The following ATP2B2 variants were observed in gnomAD, a reference collection of about 807,000 sequenced individuals.
The protein encoded by ATP2B2 is plasma membrane calcium-transporting ATPase 2.
A neutral mutation model predicts 120.0 loss-of-function variants in ATP2B2; 15 were observed. That is an observed-to-expected ratio of 0.12 (90% confidence interval 0.08 to 0.19). ATP2B2 has a LOEUF of 0.19. Among genes scored for constraint, ATP2B2 ranks in the 10% least tolerant of loss-of-function variants. ATP2B2 has a pLI of 1.00. For synonymous variants in ATP2B2, 694 were observed against 700.3 expected (o/e 0.99, Z 0.14); for missense variants, 1,045 against 1,719.8 (o/e 0.61, Z 6.94).
At chr3:10,413,047 T>C (rs1369073358) in intron 2 of ATP2B2, among the ~76,000 whole-genome samples, 1 of 152,008 alleles carries the variant, frequency 6.6e-6, no homozygotes, top group Non-Finnish European at 1.5e-5. Context: ...CATGGTCTAA[T>C]ATATGGTTTT....
At chr3:10,632,609 G>T (rs2069897818) in intron 1 of ATP2B2, among the ~76,000 whole-genome samples, 1 of 152,212 alleles carries the variant, frequency 6.6e-6, no homozygotes, top group African/African-American at 2.4e-5. Flanking sequence ...GGAGGAGTTG[G>T]CAGGGCTTAG....
chr3:10,547,376 CAG>C (rs1356804286), intron 2 of ATP2B2, among the ~76,000 whole-genome samples: 1 of 152,284 alleles, frequency 6.6e-6, no homozygotes, highest in African/African-American at 2.4e-5. Context: ...TAGTAAGACA[CAG>C]GGGGCTGTCT....
intron 2 of ATP2B2, among the ~76,000 whole-genome samples, chr3:10,537,042 T>C (rs13314515): frequency 0.041 from 6,257 of 152,292 alleles, 335 homozygotes; most frequent in African/African-American, 0.12. Flanking sequence ...TTGTTAAAAA[T>C]AGGTTGGGCA....
chr3:10,419,984 C>T (rs1385585094), intron 2 of ATP2B2, among the ~76,000 whole-genome samples: 5 of 152,230 alleles, frequency 3.3e-5, no homozygotes, highest in African/African-American at 7.2e-5. Context: ...AGGGTGACCT[C>T]GTGGCCCTGC....
rs1360885107 is a variant in ATP2B2, at chr3:10,343,823, C to T, written c.2704-858G>A. ...GTAATCCTGACCCCACTCTCCTGGT[C>T]GTCGTCCTCCCTTCCTTTTAAATCT... On this transcript the variant is annotated intron_variant, in intron 18 of 22. Transcript: ENST00000360273. This position sits in a 1 kb window ranked among gnomAD's most constrained non-coding sequence, Gnocchi z 4.2. Among the ~76,000 whole-genome samples, 2 of 152,256 alleles carry T rather than the reference C, an allele frequency of 1.3e-5. No individual in the cohort carries two copies. The highest frequency in any genetic ancestry group is 2.1e-4 in the South Asian group (1 of 4,820).
At chr3:10,591,769 C>T (rs1165829602) in intron 2 of ATP2B2, among the ~76,000 whole-genome samples, 1 of 152,198 alleles carries the variant, frequency 6.6e-6, no homozygotes, top group Non-Finnish European at 1.5e-5. Context: ...GGTCCGATCC[C>T]AGACGAGGGA....
chr3:10,455,762 A>T (rs1345336644), intron 1 of ATP2B2, among the ~76,000 whole-genome samples: 1 of 152,196 alleles, frequency 6.6e-6, no homozygotes, highest in South Asian at 2.1e-4. Flanking sequence ...CACACAGCCA[A>T]CTGAGACAAA....
chr3:10,431,845 G>T (rs548030384), intron 2 of ATP2B2, among the ~76,000 whole-genome samples: 1 of 152,232 alleles, frequency 6.6e-6, no homozygotes, highest in Admixed American at 6.5e-5. Flanking sequence ...TTCCAAAAAG[G>T]GGGTGGGCTG....
At chr3:10,702,361 C>G (rs1009028125) in intron 1 of ATP2B2, among the ~76,000 whole-genome samples, 1 of 152,226 alleles carries the variant, frequency 6.6e-6, no homozygotes, top group Non-Finnish European at 1.5e-5. Context: ...AGGCACTATT[C>G]TGAGACTTTG....
At chr3:10,395,586 G>A (rs2062010376) in intron 5 of ATP2B2, among the ~76,000 whole-genome samples, 1 of 152,226 alleles carries the variant, frequency 6.6e-6, no homozygotes, top group East Asian at 1.9e-4. Flanking sequence ...GGGCATGCCC[G>A]TATTCTTTGT....
chr3:10,629,400 G>A, intron 1 of ATP2B2, among the ~76,000 whole-genome samples: 1 of 152,190 alleles, frequency 6.6e-6, no homozygotes, highest in South Asian at 2.1e-4. Context: ...TTAAGGAGGA[G>A]GCAAACTCGC....
At chr3:10,442,956 C>T (rs564150293) in intron 2 of ATP2B2, among the ~76,000 whole-genome samples, 46 of 152,328 alleles carry the variant, frequency 3.0e-4, no homozygotes, top group African/African-American at 9.9e-4. Flanking sequence ...ACTGGTCCAA[C>T]GTCCCACAGC....
At chr3:10,377,713 A>T (rs1359646570) in intron 10 of ATP2B2, among the ~76,000 whole-genome samples, 1 of 152,252 alleles carries the variant, frequency 6.6e-6, no homozygotes, top group Non-Finnish European at 1.5e-5. Flanking sequence ...CACTGTGGCC[A>T]GGGTGGTCAT....
At chr3:10,337,772 C>T (rs954287313) in intron 22 of ATP2B2, among the ~76,000 whole-genome samples, 8 of 151,990 alleles carry the variant, frequency 5.3e-5, no homozygotes, top group Non-Finnish European at 1.0e-4. Context: ...CCTGGGGGAC[C>T]CTGGGCGACC....
chr3:10,617,955 T>G (rs898217154), intron 2 of ATP2B2, among the ~76,000 whole-genome samples: 30 of 152,134 alleles, frequency 2.0e-4, no homozygotes, highest in African/African-American at 7.0e-4. Context: ...CCCACTAGAA[T>G]AGCCACAGCT....
chr3:10,492,610 C>T (rs1041577102), intron 1 of ATP2B2, among the ~76,000 whole-genome samples: 1 of 152,150 alleles, frequency 6.6e-6, no homozygotes, highest in African/African-American at 2.4e-5. Flanking sequence ...ATGGATGCCA[C>T]GGGAGACTGT....
chr3:10,367,945 C>T (rs986732929), intron 12 of ATP2B2, among the ~76,000 whole-genome samples: 1 of 152,192 alleles, frequency 6.6e-6, no homozygotes, highest in African/African-American at 2.4e-5. Flanking sequence ...CTCAGGATCA[C>T]ACAGGTGATG....
intron 2 of ATP2B2, among the ~76,000 whole-genome samples, chr3:10,615,818 T>C (rs1164065680): frequency 6.6e-6 from 1 of 152,224 alleles, no homozygotes; most frequent in Non-Finnish European, 1.5e-5. Flanking sequence ...CTAACTCACT[T>C]CTTCTCACTT....
intron 1 of ATP2B2, among the ~76,000 whole-genome samples, chr3:10,692,358 G>C (rs571268323): frequency 3.1e-4 from 47 of 152,304 alleles, no homozygotes; most frequent in Non-Finnish European, 6.0e-4. Context: ...GGGCGCCGAG[G>C]CTTGCCGGCT....
Sources: allele counts gnomAD v4.1 joint callset (sites outside exome capture counted in the v4.1 genomes callset), GRCh38; gene constraint gnomAD v4.1.1; non-coding constraint Gnocchi (gnomAD v3.1); transcripts MANE v1.5; gene names NCBI Gene and HGNC (gene_info 2026-07-23, HGNC 2026-07-21).